The following CELF4 variants were observed in gnomAD, a reference collection of about 807,000 sequenced individuals.
CELF4 encodes CUGBP Elav-like family member 4, also known as CUG-BP- and ETR-3-like factor 4.
Under a neutral mutation model 59.9 loss-of-function variants are expected in CELF4, and 18 were observed. The observed-to-expected ratio is 0.30, with a 90% CI of 0.21 to 0.45. CELF4 has a LOEUF of 0.45. CELF4 is among the 20% of genes least tolerant of loss of function. The pLI, the probability that CELF4 is intolerant of heterozygous loss-of-function variation, is 1.00. For synonymous variants in CELF4, 261 were observed against 267.1 expected, an observed-to-expected ratio of 0.98 and a Z score of 0.22; for missense variants, 456 against 689.0, an observed-to-expected ratio of 0.66 and a Z score of 3.79.
At chr18:37,298,041 G>C (rs918883138) in intron 3 of CELF4, among the ~76,000 whole-genome samples, 9 of 152,230 alleles carry the variant, frequency 5.9e-5, no homozygotes, top group African/African-American at 2.2e-4. Context: ...GTCTGCACTG[G>C]GCTCAAGGGA....
intron 2 of CELF4, among the ~76,000 whole-genome samples, chr18:37,380,796 C>CATCCATCCATCT (rs1470543790): frequency 6.7e-6 from 1 of 149,752 alleles, no homozygotes; most frequent in African/African-American, 2.5e-5. Flanking sequence ...TCCATGAATC[C>CATCCATCCATCT]ATCCATCCAT....
intron 1 of CELF4, among the ~76,000 whole-genome samples, chr18:37,525,533 G>C (rs2099962885): frequency 7.2e-6 from 1 of 139,554 alleles, no homozygotes; most frequent in Non-Finnish European, 1.5e-5. Context: ...AGCAGGTTGT[G>C]AACTTGAGCA....
intron 2 of CELF4, among the ~76,000 whole-genome samples, chr18:37,377,027 G>A (rs1257708563): frequency 1.3e-5 from 2 of 151,992 alleles, no homozygotes; most frequent in Non-Finnish European, 2.9e-5. Context: ...AGGTGGAGGA[G>A]GGAGGACAGA....
At chr18:37,464,684 G>A (rs150008978) in intron 2 of CELF4, among the ~76,000 whole-genome samples, 1 of 152,072 alleles carries the variant, frequency 6.6e-6, no homozygotes, top group African/African-American at 2.4e-5. Context: ...GTGGGTCATG[G>A]AGCAGCCCTG....
intron 11 of CELF4, among the ~76,000 whole-genome samples, chr18:37,257,767 G>A (rs934085338): frequency 3.3e-5 from 5 of 152,264 alleles, no homozygotes; most frequent in African/African-American, 9.6e-5. Flanking sequence ...GATACTGAGT[G>A]TCTGGCAGAC....
intron 11 of CELF4, among the ~76,000 whole-genome samples, chr18:37,257,833 C>T (rs1038628795): frequency 1.3e-5 from 2 of 152,082 alleles, no homozygotes; most frequent in Non-Finnish European, 2.9e-5. Flanking sequence ...GTCCTCATGA[C>T]TTACGAAAGG....
intron 2 of CELF4, among the ~76,000 whole-genome samples, chr18:37,452,879 A>C (rs1347665520): frequency 5.3e-5 from 8 of 151,860 alleles, no homozygotes; most frequent in Admixed American, 5.2e-4. Flanking sequence ...CCAAGTACCC[A>C]CTGCCCCCAC....
intron 2 of CELF4, among the ~76,000 whole-genome samples, chr18:37,464,413 C>T (rs2099802300): frequency 6.6e-6 from 1 of 152,214 alleles, no homozygotes; most frequent in African/African-American, 2.4e-5. Flanking sequence ...AGCCTCTCCC[C>T]TCCCACTGTT....
At position 37,424,966 on chromosome 18, in the gene CELF4, C is replaced by T. The variant is rs56254878; in HGVS notation, c.369+60559G>A. ...CCTCAACCTGCACCTGTTCCACTCTCGCCCCACCCGCACAGTGCTCTCTGG... is the reference window on the plus strand; with the variant it reads ...CCTCAACCTGCACCTGTTCCACTCTTGCCCCACCCGCACAGTGCTCTCTGG... On this transcript the variant is annotated intron_variant, in intron 2 of 12. Transcript: ENST00000420428. 5.4e-3 allele frequency among the ~76,000 whole-genome samples: 827 copies of T among 152,292 alleles called. 3 individuals carry two copies. Among genetic ancestry groups the T allele is most frequent in the Non-Finnish European group, 8.2e-3 (558 of 68,018 alleles).
chr18:37,353,680 A>T (rs2098506748), intron 2 of CELF4, among the ~76,000 whole-genome samples: 1 of 131,732 alleles, frequency 7.6e-6, no homozygotes, highest in Non-Finnish European at 1.6e-5. Flanking sequence ...AGGGGGAATG[A>T]TGAGTTTACC....
chr18:37,332,853 C>T (rs2097592207), intron 2 of CELF4, among the ~76,000 whole-genome samples: 1 of 152,214 alleles, frequency 6.6e-6, no homozygotes, highest in Non-Finnish European at 1.5e-5. Context: ...CTCCCTGAGG[C>T]CCTCACTGCC....
At chr18:37,417,555 C>G (rs549249898) in intron 2 of CELF4, among the ~76,000 whole-genome samples, 2 of 152,328 alleles carry the variant, frequency 1.3e-5, no homozygotes, top group Non-Finnish European at 2.9e-5. Flanking sequence ...CTTTGGAAGC[C>G]CGTAGGGCAG....
intron 3 of CELF4, among the ~76,000 whole-genome samples, chr18:37,281,205 C>T (rs766356638): frequency 6.6e-5 from 10 of 152,244 alleles, no homozygotes; most frequent in Non-Finnish European, 1.3e-4. Flanking sequence ...ACGTGGGAAG[C>T]ATCTTGCTGG....
intron 2 of CELF4, among the ~76,000 whole-genome samples, chr18:37,484,649 T>A (rs2154603140): frequency 6.6e-6 from 1 of 152,334 alleles, no homozygotes; most frequent in South Asian, 2.1e-4. Context: ...TTTCTCTCCG[T>A]CTACCTGGTT....
At chr18:37,383,007 T>G (rs2099058194) in intron 2 of CELF4, among the ~76,000 whole-genome samples, 1 of 141,430 alleles carries the variant, frequency 7.1e-6, no homozygotes, top group Non-Finnish European at 1.5e-5. Context: ...CAATATTATG[T>G]ATGTAATAGT....
intron 1 of CELF4, among the ~76,000 whole-genome samples, chr18:37,500,028 G>A (rs1236919230): frequency 6.6e-6 from 1 of 152,222 alleles, no homozygotes; most frequent in Non-Finnish European, 1.5e-5. Flanking sequence ...GGTTGAGTAA[G>A]GCTGGGGAGC....
At chr18:37,312,620 G>C (rs2096716900) in intron 3 of CELF4, among the ~76,000 whole-genome samples, 1 of 152,186 alleles carries the variant, frequency 6.6e-6, no homozygotes, top group African/African-American at 2.4e-5. Flanking sequence ...GGCAAAGCAG[G>C]AGCCCAAGGC....
At chr18:37,382,399 C>T (rs1309658296) in intron 2 of CELF4, among the ~76,000 whole-genome samples, 1 of 152,194 alleles carries the variant, frequency 6.6e-6, no homozygotes, top group Non-Finnish European at 1.5e-5. Flanking sequence ...ACCTGCCCTC[C>T]TGACACACAC....
chr18:37,546,376 A>G (rs1272973352), intron 1 of CELF4, among the ~76,000 whole-genome samples: 2 of 149,966 alleles, frequency 1.3e-5, no homozygotes, highest in South Asian at 2.1e-4. Context: ...ACTTGCACCC[A>G]CGCACATGTA....
Sources: allele counts gnomAD v4.1 joint callset (sites outside exome capture counted in the v4.1 genomes callset), GRCh38; gene constraint gnomAD v4.1.1; transcripts MANE v1.5; gene names NCBI Gene and HGNC (gene_info 2026-07-23, HGNC 2026-07-21).